Variants in IL2RA observed in about 807,000 individuals in gnomAD.
IL2RA encodes interleukin-2 receptor subunit alpha.
IL2RA carries 24 observed loss-of-function variants against 37.8 expected under a neutral mutation model. The observed-to-expected ratio is 0.63, with a 90% CI of 0.46 to 0.89. The LOEUF is 0.89. IL2RA is among the 40% of genes least tolerant of loss of function. IL2RA has a pLI of 0.00. For synonymous variants in IL2RA, 125 were observed against 114.6 expected (o/e 1.09, Z -0.58); for missense variants, 319 against 348.6 (o/e 0.92, Z 0.68).
At chr10:6,041,175 T>G (rs2132880834) in intron 1 of IL2RA, among the ~76,000 whole-genome samples, 1 of 149,490 alleles carries the variant, frequency 6.7e-6, no homozygotes, top group East Asian at 2.0e-4. Context: ...TGGAGTGCAG[T>G]GGTGCAATCT....
chr10:6,021,330 T>C lies in IL2RA; in HGVS notation c.583+148A>G, dbSNP rs1451265248. The stretch of plus-strand genomic sequence containing the variant: ...TGGTCTATTTAAATTTTTTTTTTTT[T>C]CTCAGAATGAGAAAAAATGGAAGCC... On this transcript the variant is annotated intron_variant, in intron 4 of 7. Coordinates refer to ENST00000379959, the MANE Select transcript of IL2RA (RefSeq NM_000417.3). The surrounding 1 kb of genome is among the most constrained non-coding windows in gnomAD (Gnocchi z 4.9). 2.9e-6 allele frequency: 2 copies of C among 681,388 alleles called. No individual in the cohort carries two copies. The highest frequency in any genetic ancestry group is 2.5e-6 in the Non-Finnish European group (1 of 398,944). The allele number at this position is 681,388 out of a possible 1,614,324, so 42.2% of individuals were successfully genotyped here. A position where few individuals can be genotyped will look rare whatever the true frequency, so the allele number is the denominator to read the frequency against.
At chr10:6,037,070 C>A (rs1373606631) in intron 1 of IL2RA, among the ~76,000 whole-genome samples, 1 of 152,208 alleles carries the variant, frequency 6.6e-6, no homozygotes, top group Non-Finnish European at 1.5e-5. Context: ...CATCTGCCCC[C>A]TGGGTGAGGA....
intron 1 of IL2RA, among the ~76,000 whole-genome samples, chr10:6,050,777 G>A (rs1230541250): frequency 6.6e-6 from 1 of 152,244 alleles, no homozygotes; most frequent in Non-Finnish European, 1.5e-5. Context: ...TCAGAGCTGG[G>A]ATCCCAGTGC....
intron 1 of IL2RA, among the ~76,000 whole-genome samples, chr10:6,051,845 A>ATATATATATATATGTATATATATATAT (rs1224861012): frequency 8.9e-6 from 1 of 111,858 alleles, no homozygotes; most frequent in Non-Finnish European, 1.9e-5. Flanking sequence ...ATATATATAG[A>ATATATATATATATGTATATATATATAT]ATTTTTTAAG....
At chr10:6,034,533 C>T (rs1839649626) in intron 1 of IL2RA, among the ~76,000 whole-genome samples, 1 of 127,474 alleles carries the variant, frequency 7.8e-6, no homozygotes, top group African/African-American at 3.5e-5. Flanking sequence ...GTCTAAAAGT[C>T]TTGCACAGTA....
chr10:6,021,411 G>C lies in IL2RA; in HGVS notation c.583+67C>G, dbSNP rs745424641. The C allele has an allele frequency of 7.6e-7, 1 of 1,309,316 alleles. No homozygotes were observed. The highest frequency in any genetic ancestry group is 1.1e-6 in the Non-Finnish European group (1 of 904,248). 81.1% of individuals were successfully genotyped at this position (1,309,316 alleles called of 1,614,324 possible). A position where few individuals can be genotyped will look rare whatever the true frequency, so the allele number is the denominator to read the frequency against. ...ACTCTTGTCCAGCAGGAGTGGTCAG[G>C]GATTCCACTCTGGTCAGCCTGATGG... On this transcript the variant is annotated intron_variant, in intron 4 of 7. Coordinates refer to ENST00000379959, the MANE Select transcript of IL2RA (RefSeq NM_000417.3). This position sits in a 1 kb window ranked among gnomAD's most constrained non-coding sequence, Gnocchi z 4.9.
intron 2 of IL2RA, 140 bp from the exon 3 acceptor site, chr10:6,024,494 A>C (rs1839446640): frequency 2.9e-6 from 2 of 696,392 alleles, no homozygotes; most frequent in Admixed American, 4.4e-5. Flanking sequence ...TGAGCTTACA[A>C]ATACGAAACC....
chr10:6,054,407 T>C lies in IL2RA; in HGVS notation c.64+7681A>G, dbSNP rs1232874612. 1.3e-5 allele frequency among the ~76,000 whole-genome samples: 2 copies of C among 152,114 alleles called. No homozygotes were observed. The highest frequency in any genetic ancestry group is 1.3e-4 in the Admixed American group (2 of 15,280). ...TCAGTGACCCATTGAACCGAGGACG[T>C]CTACCGGGGACCAATGACACCTGTA... is the stretch of plus-strand genomic sequence containing the variant. On this transcript the variant is annotated intron_variant, in intron 1 of 7. Transcript: ENST00000379959. The surrounding 1 kb of genome is among the most constrained non-coding windows in gnomAD (Gnocchi z 4.5).
In IL2RA at chr10:6,019,823, C is replaced by G. The variant is rs749233165; in HGVS notation, c.655+47G>C. The G allele has an allele frequency of 3.2e-6, 5 of 1,561,292 alleles. No homozygotes were observed. In the East Asian group the frequency reaches 1.1e-4, roughly 35 times the overall value. On this transcript the variant is annotated intron_variant, in intron 5 of 7. Transcript: ENST00000379959. Reference sequence around the variant, plus strand: ...GAGCCTGGCTCCTGGTCACCTCTGCCCTTTTGGACTAGGCCTCTGTGGTCC... The same window carrying G: ...GAGCCTGGCTCCTGGTCACCTCTGCGCTTTTGGACTAGGCCTCTGTGGTCC...
intron 1 of IL2RA, among the ~76,000 whole-genome samples, chr10:6,034,544 A>G (rs1839649752): frequency 8.5e-6 from 1 of 117,160 alleles, no homozygotes; most frequent in African/African-American, 4.1e-5. Flanking sequence ...TTGCACAGTA[A>G]TAACAGGAGG....
Position 6,025,760 on chromosome 10 carries a change from G to T in IL2RA, c.256+74C>A. The T allele has an allele frequency of 7.0e-7, 1 of 1,437,280 alleles. No individual in the cohort carries two copies. The highest frequency in any genetic ancestry group is 1.2e-5 in the South Asian group (1 of 86,774). 89.0% of individuals were successfully genotyped at this position (1,437,280 alleles called of 1,614,324 possible). ...CCCATTTGTGTCTATAGGGCTGAGTGAACAAAAGCTGGGCTCTGTCTCACT... is the reference window on the plus strand; with the variant it reads ...CCCATTTGTGTCTATAGGGCTGAGTTAACAAAAGCTGGGCTCTGTCTCACT... On this transcript the variant is annotated intron_variant, in intron 2 of 7. Transcript: ENST00000379959. The surrounding 1 kb of genome is among the most constrained non-coding windows in gnomAD (Gnocchi z 4.4).
At chr10:6,027,888 A>ACTAAAGCAAGAAG (rs1839510346) in intron 1 of IL2RA, among the ~76,000 whole-genome samples, 1 of 152,206 alleles carries the variant, frequency 6.6e-6, no homozygotes, top group African/African-American at 2.4e-5. Flanking sequence ...TCAGAAGATA[A>ACTAAAGCAAGAAG]ATCTGTTACT....
In IL2RA at chr10:6,048,707, A is replaced by G. The variant is rs1382842296; in HGVS notation, c.64+13381T>C. ...CTTTCTGCTTCCCTTCATTCTTCAC[A>G]TAAACCCAGTGCTTTCTCTTCTTCC... On this transcript the variant is annotated intron_variant, in intron 1 of 7. Coordinates refer to ENST00000379959, the MANE Select transcript of IL2RA (RefSeq NM_000417.3). This position sits in a 1 kb window ranked among gnomAD's most constrained non-coding sequence, Gnocchi z 5.3. Among the ~76,000 whole-genome samples, 1 of 152,226 alleles carries G rather than the reference A, an allele frequency of 6.6e-6. No individual in the cohort carries two copies. The highest frequency in any genetic ancestry group is 1.9e-4 in the East Asian group (1 of 5,200).
chr10:6,044,114 C>T lies in IL2RA; in HGVS notation c.64+17974G>A, dbSNP rs1839813605. ...TCAATCATCCAAATCACCTCTCAGTCCTCAGCAGCTGAATTCAACACAATG... is the reference window on the plus strand; with the variant it reads ...TCAATCATCCAAATCACCTCTCAGTTCTCAGCAGCTGAATTCAACACAATG... On this transcript the variant is annotated intron_variant, in intron 1 of 7. Transcript: ENST00000379959. The surrounding 1 kb of genome is among the most constrained non-coding windows in gnomAD (Gnocchi z 4.5). 6.6e-6 allele frequency among the ~76,000 whole-genome samples: 1 copy of T among 152,196 alleles called. No individual in the cohort carries two copies. Among genetic ancestry groups the T allele is most frequent in the African/African-American group, 2.4e-5 (1 of 41,444 alleles).
At chr10:6,049,851 G>A (rs1442349891) in intron 1 of IL2RA, among the ~76,000 whole-genome samples, 3 of 152,200 alleles carry the variant, frequency 2.0e-5, no homozygotes, top group Admixed American at 6.5e-5. Flanking sequence ...CTCTCAAGAC[G>A]CTTTTCTGGT....
rs1839850237 is a variant in IL2RA, at chr10:6,046,018, C to G, written c.64+16070G>C. Among the ~76,000 whole-genome samples the G allele has an allele frequency of 1.3e-5, 2 of 152,188 alleles. No homozygotes were observed. ...GTTAACACAAATCCTAATTGTCAGG[C>G]TGACCAAGCCCACGTGTCCAGAACC... is the stretch of plus-strand genomic sequence containing the variant. On this transcript the variant is annotated intron_variant, in intron 1 of 7. Transcript: ENST00000379959. The surrounding 1 kb of genome is among the most constrained non-coding windows in gnomAD (Gnocchi z 4.8).
rs964072678 is a variant in IL2RA, at chr10:6,057,696, T to C, written c.64+4392A>G. ...AACATGCCTCATTTCCTGAGGGAAT[T>C]CTCTCTTTTTCTGTAAAGTTTCTGC... On this transcript the variant is annotated intron_variant, in intron 1 of 7. Transcript: ENST00000379959. The surrounding 1 kb of genome is among the most constrained non-coding windows in gnomAD (Gnocchi z 4.8). Among the ~76,000 whole-genome samples the C allele has an allele frequency of 7.2e-5, 11 of 152,140 alleles. No individual in the cohort carries two copies. Among genetic ancestry groups the C allele is most frequent in the Admixed American group, 2.6e-4 (4 of 15,270 alleles).
chr10:6,061,696 G>A (rs1342392819), intron 1 of IL2RA, among the ~76,000 whole-genome samples: 1 of 152,168 alleles, frequency 6.6e-6, no homozygotes, highest in Admixed American at 6.5e-5. Flanking sequence ...AACTTAAAGA[G>A]CTTCCTGATA....
In IL2RA at chr10:6,033,606, AAAAT is replaced by A. The variant is rs1184343307; in HGVS notation, c.65-7585_65-7582del. The stretch of plus-strand genomic sequence containing the variant: ...ATAGTCATACTATAGAAACCATTCA[AAAAT>A]AAAAAATAATGAACTATTGATACAG... On this transcript the variant is annotated intron_variant, in intron 1 of 7. Coordinates refer to ENST00000379959, the MANE Select transcript of IL2RA (RefSeq NM_000417.3). The surrounding 1 kb of genome is among the most constrained non-coding windows in gnomAD (Gnocchi z 4.3). Among the ~76,000 whole-genome samples, 5 of 152,238 alleles carry A rather than the reference AAAAT, an allele frequency of 3.3e-5. No homozygotes were observed. Among genetic ancestry groups the A allele is most frequent in the African/African-American group, 1.2e-4 (5 of 41,462 alleles).
Sources: allele counts gnomAD v4.1 joint callset (sites outside exome capture counted in the v4.1 genomes callset), GRCh38; gene constraint gnomAD v4.1.1; non-coding constraint Gnocchi (gnomAD v3.1); transcripts MANE v1.5; gene names NCBI Gene and HGNC (gene_info 2026-07-23, HGNC 2026-07-21).